RAB3C: variants seen among roughly 807,000 people sequenced by gnomAD.
RAB3C encodes the protein RAB3C, member RAS oncogene family.
A neutral mutation model predicts 26.4 loss-of-function variants in RAB3C; 17 were observed. The observed-to-expected ratio is 0.64, with a 90% CI of 0.44 to 0.97. RAB3C has a LOEUF of 0.97. RAB3C is among the 50% of genes least tolerant of loss of function. The pLI, the probability that RAB3C is intolerant of heterozygous loss-of-function variation, is 0.00. For synonymous variants in RAB3C, 91 were observed against 95.9 expected, an observed-to-expected ratio of 0.95 and a Z score of 0.30; for missense variants, 242 against 281.9, an observed-to-expected ratio of 0.86 and a Z score of 1.01.
At chr5:58,676,296 A>C (rs1204268200) in intron 2 of RAB3C, among the ~76,000 whole-genome samples, 1 of 152,026 alleles carries the variant, frequency 6.6e-6, no homozygotes, top group Non-Finnish European at 1.5e-5. Context: ...TGAGGTCAGG[A>C]GTTCGAGACC....
intron 1 of RAB3C, among the ~76,000 whole-genome samples, chr5:58,590,370 A>G (rs1746102728): frequency 6.6e-6 from 1 of 152,030 alleles, no homozygotes; most frequent in Non-Finnish European, 1.5e-5. Context: ...GTCTTACTAA[A>G]TGTTTATATC....
At chr5:58,708,205 G>T (rs991943065) in intron 2 of RAB3C, among the ~76,000 whole-genome samples, 14 of 152,030 alleles carry the variant, frequency 9.2e-5, no homozygotes, top group African/African-American at 3.4e-4. Flanking sequence ...GCCCAGGCTG[G>T]TCTCAAACTC....
chr5:58,771,788 A>G (rs1742034389), intron 3 of RAB3C, among the ~76,000 whole-genome samples: 2 of 151,652 alleles, frequency 1.3e-5, no homozygotes, highest in Non-Finnish European at 2.9e-5. Flanking sequence ...TAAAATCTGA[A>G]TATCTGTTTT....
At chr5:58,673,097 TACAC>T (rs1748154168) in intron 2 of RAB3C, among the ~76,000 whole-genome samples, 1 of 152,078 alleles carries the variant, frequency 6.6e-6, no homozygotes, top group Non-Finnish European at 1.5e-5. Context: ...TAAAATAAAA[TACAC>T]ACTTTCAAAA....
chr5:58,797,879 A>G (rs1742709781), intron 3 of RAB3C, among the ~76,000 whole-genome samples: 1 of 152,194 alleles, frequency 6.6e-6, no homozygotes, highest in Non-Finnish European at 1.5e-5. Context: ...CATTAAATTG[A>G]CATTTTAACT....
At chr5:58,623,669 C>G (rs1746981123) in intron 2 of RAB3C, among the ~76,000 whole-genome samples, 1 of 152,260 alleles carries the variant, frequency 6.6e-6, no homozygotes, top group Non-Finnish European at 1.5e-5. Flanking sequence ...AACCACTCTT[C>G]TCAGCATTGA....
intron 3 of RAB3C, among the ~76,000 whole-genome samples, chr5:58,764,768 C>T (rs1223475619): frequency 6.6e-6 from 1 of 152,144 alleles, no homozygotes; most frequent in Non-Finnish European, 1.5e-5. Context: ...TGCTTCCACA[C>T]CTGAGGCGAG....
intron 3 of RAB3C, among the ~76,000 whole-genome samples, chr5:58,775,106 A>G (rs1742099178): frequency 6.6e-6 from 1 of 152,122 alleles, no homozygotes; most frequent in South Asian, 2.1e-4. Flanking sequence ...AGTGATTGCA[A>G]TCATCTGAGA....
chr5:58,661,009 A>T (rs926085206), intron 2 of RAB3C, among the ~76,000 whole-genome samples: 1 of 150,052 alleles, frequency 6.7e-6, no homozygotes, highest in Non-Finnish European at 1.5e-5. Context: ...TATGCAGACA[A>T]GCTTGATTAA....
chr5:58,828,757 C>A (rs1024184929), intron 4 of RAB3C, among the ~76,000 whole-genome samples: 1 of 152,172 alleles, frequency 6.6e-6, no homozygotes. Flanking sequence ...CTAGACTCTA[C>A]ATTTTTAACA....
intron 1 of RAB3C, among the ~76,000 whole-genome samples, chr5:58,599,381 T>A (rs931322739): frequency 5.3e-5 from 8 of 152,114 alleles, no homozygotes; most frequent in Non-Finnish European, 1.0e-4. Context: ...CAGGACTACA[T>A]CTGAATCTAG....
chr5:58,674,517 CATGTTT>C (rs1456272866), intron 2 of RAB3C, among the ~76,000 whole-genome samples: 1 of 152,170 alleles, frequency 6.6e-6, no homozygotes, highest in Non-Finnish European at 1.5e-5. Context: ...GCCAAGAAAT[CATGTTT>C]CCTGCTTAAT....
At chr5:58,821,085 C>G (rs1743330280) in intron 3 of RAB3C, among the ~76,000 whole-genome samples, 1 of 152,054 alleles carries the variant, frequency 6.6e-6, no homozygotes, top group Admixed American at 6.6e-5. Context: ...ATGTACTGGC[C>G]CAGGTCAGAA....
intron 3 of RAB3C, 100 bp downstream of exon 3, chr5:58,726,220 T>A: frequency 1.7e-6 from 1 of 596,414 alleles, no homozygotes; most frequent in South Asian, 2.8e-5. Flanking sequence ...GTAATATATG[T>A]GTTTACATTA....
chr5:58,740,225 T>G (rs2111944986), intron 3 of RAB3C, among the ~76,000 whole-genome samples: 1 of 152,260 alleles, frequency 6.6e-6, no homozygotes, highest in South Asian at 2.1e-4. Flanking sequence ...TTTGCTAAGT[T>G]TTGGGCTGTT....
intron 4 of RAB3C, among the ~76,000 whole-genome samples, chr5:58,850,380 T>C (rs919003879): frequency 1.3e-5 from 2 of 152,330 alleles, no homozygotes; most frequent in African/African-American, 4.8e-5. Flanking sequence ...ACCCAGCTGA[T>C]AGGTGCAGAG....
chr5:58,693,336 G>A (rs28400285), intron 2 of RAB3C, among the ~76,000 whole-genome samples: 24,684 of 111,168 alleles, frequency 0.22, 2,949 homozygotes, highest in African/African-American at 0.31. Flanking sequence ...ATATATATGT[G>A]TATATATATA....
chr5:58,678,766 T>A (rs1022773088), intron 2 of RAB3C, among the ~76,000 whole-genome samples: 1 of 152,172 alleles, frequency 6.6e-6, no homozygotes, highest in Non-Finnish European at 1.5e-5. Flanking sequence ...CCAATTCCCA[T>A]ATAATTGTAA....
At chr5:58,756,406 G>A (rs62358088) in intron 3 of RAB3C, among the ~76,000 whole-genome samples, 11 of 92,076 alleles carry the variant, frequency 1.2e-4, no homozygotes, top group Non-Finnish European at 1.9e-4. Context: ...ATATATATAT[G>A]TATGTTAATT....
Sources: allele counts gnomAD v4.1 joint callset (sites outside exome capture counted in the v4.1 genomes callset), GRCh38; gene constraint gnomAD v4.1.1; transcripts MANE v1.5; gene names NCBI Gene and HGNC (gene_info 2026-07-23, HGNC 2026-07-21).